Variants in COL23A1 observed in about 807,000 individuals in gnomAD.
COL23A1 encodes collagen alpha-1(XXIII) chain.
In COL23A1, 97 loss-of-function variants were observed where a neutral mutation model predicts 99.3. That is an observed-to-expected ratio of 0.98 (90% CI 0.83 to 1.16). The LOEUF is 1.16. Among genes scored for constraint, COL23A1 ranks in the 50% most tolerant of loss-of-function variants. The pLI, the probability that COL23A1 is intolerant of heterozygous loss-of-function variation, is 0.00. For synonymous variants in COL23A1, 320 were observed against 308.2 expected (o/e 1.04, Z -0.40); for missense variants, 762 against 757.4 (o/e 1.01, Z -0.07).
At chr5:178,576,092 G>A (rs374772338) in intron 1 of COL23A1, among the ~76,000 whole-genome samples, 7 of 152,154 alleles carry the variant, frequency 4.6e-5, no homozygotes, top group African/African-American at 9.7e-5. Flanking sequence ...TTCTCCTTGC[G>A]CAGCAAGTCG....
rs75925268 is a variant in COL23A1, at chr5:178,365,864, T to G, written c.362-58945A>C. The stretch of plus-strand genomic sequence containing the variant: ...ATGGTCTCCTGGCCACATGGGGAGC[T>G]CCTCGAGGGCAAGGCCTGGGAACAT... On this transcript the variant is annotated intron_variant, in intron 2 of 28. Coordinates refer to ENST00000390654, the MANE Select transcript of COL23A1 (RefSeq NM_173465.4). The surrounding 1 kb of genome is among the most constrained non-coding windows in gnomAD (Gnocchi z 5.2). 6.6e-6 allele frequency among the ~76,000 whole-genome samples: 1 copy of G among 151,834 alleles called. No homozygotes were observed. The highest frequency in any genetic ancestry group is 2.4e-5 in the African/African-American group (1 of 41,304).
At chr5:178,409,053 A>T (rs1764931331) in intron 2 of COL23A1, among the ~76,000 whole-genome samples, 1 of 150,450 alleles carries the variant, frequency 6.6e-6, no homozygotes. Flanking sequence ...ACTCCTAGGT[A>T]TTTATCTCAG....
chr5:178,526,977 C>T (rs1760344888), intron 2 of COL23A1, among the ~76,000 whole-genome samples: 1 of 152,242 alleles, frequency 6.6e-6, no homozygotes, highest in Non-Finnish European at 1.5e-5. Context: ...CCCCAGGGTG[C>T]CGTGGTAGGC....
intron 2 of COL23A1, among the ~76,000 whole-genome samples, chr5:178,368,140 T>A (rs1762591429): frequency 6.6e-6 from 1 of 152,200 alleles, no homozygotes; most frequent in Non-Finnish European, 1.5e-5. Context: ...GAGCTCAGTC[T>A]GTCTGGATCA....
intron 2 of COL23A1, among the ~76,000 whole-genome samples, chr5:178,426,354 C>G (rs1175369970): frequency 6.6e-6 from 1 of 152,190 alleles, no homozygotes; most frequent in Non-Finnish European, 1.5e-5. Context: ...TCCCCTTCCT[C>G]ATTAGATGAC....
chr5:178,397,340 G>T (rs1410468708), intron 2 of COL23A1, among the ~76,000 whole-genome samples: 1 of 152,256 alleles, frequency 6.6e-6, no homozygotes, highest in South Asian at 2.1e-4. Context: ...CAGGCCTCTC[G>T]CAGGAGTGAG....
intron 2 of COL23A1, among the ~76,000 whole-genome samples, chr5:178,369,754 G>A (rs982774761): frequency 4.0e-5 from 6 of 150,562 alleles, no homozygotes; most frequent in Non-Finnish European, 1.5e-5. Context: ...GGCCCCCCCA[G>A]CCAGGTGGAA....
chr5:178,571,076 G>A (rs1222752411), intron 1 of COL23A1, among the ~76,000 whole-genome samples: 1 of 151,986 alleles, frequency 6.6e-6, no homozygotes, highest in Non-Finnish European at 1.5e-5. Flanking sequence ...AAGTACTGAG[G>A]AGAGGCATGG....
At chr5:178,318,542 A>C in intron 2 of COL23A1, among the ~76,000 whole-genome samples, 1 of 152,200 alleles carries the variant, frequency 6.6e-6, no homozygotes, top group East Asian at 1.9e-4. Context: ...AACATCTCTG[A>C]AGGGCCGAAG....
At chr5:178,532,045 A>G (rs886400728) in intron 2 of COL23A1, among the ~76,000 whole-genome samples, 10 of 152,208 alleles carry the variant, frequency 6.6e-5, no homozygotes, top group African/African-American at 2.2e-4. Flanking sequence ...GCCACATCCC[A>G]TGAGTGCAGG....
In COL23A1 at chr5:178,384,018, GC is replaced by G. The variant is rs1260305572; in HGVS notation, c.362-77100del. On this transcript the variant is annotated intron_variant, in intron 2 of 28. Transcript: ENST00000390654. This position sits in a 1 kb window ranked among gnomAD's most constrained non-coding sequence, Gnocchi z 5.5. ...CGAGGCCACGCTGTGTGACACGGGG[GC>G]CCAGGACTCCACCAGGCGGCCTGTG... Among the ~76,000 whole-genome samples, 1 of 152,206 alleles carries G rather than the reference GC, an allele frequency of 6.6e-6. No individual in the cohort carries two copies. The highest frequency in any genetic ancestry group is 1.5e-5 in the Non-Finnish European group (1 of 68,032).
chr5:178,248,350 C>T (rs1764828427), intron 19 of COL23A1, 96 bp from the exon 20 acceptor site: 1 of 907,424 alleles, frequency 1.1e-6, no homozygotes, highest in African/African-American at 1.7e-5. Flanking sequence ...CCATGTGGCT[C>T]CTGAGAGCAG....
At chr5:178,292,018 T>A (rs1757485065) in intron 3 of COL23A1, among the ~76,000 whole-genome samples, 1 of 152,156 alleles carries the variant, frequency 6.6e-6, no homozygotes. Flanking sequence ...AAACAAAAGC[T>A]GCCGGATAGG....
At chr5:178,407,762 T>A (rs184085359) in intron 2 of COL23A1, among the ~76,000 whole-genome samples, 5 of 150,712 alleles carry the variant, frequency 3.3e-5, no homozygotes, top group Admixed American at 2.6e-4. Context: ...GCAGAACCAA[T>A]AGAAATTATC....
In COL23A1 at chr5:178,566,286, T is replaced by C. The variant is rs73804268; in HGVS notation, c.295-5538A>G. 8.9e-3 allele frequency among the ~76,000 whole-genome samples: 1,358 copies of C among 152,238 alleles called. 22 individuals carry two copies. The highest frequency in any genetic ancestry group is 0.031 in the African/African-American group (1,298 of 41,552). On this transcript the variant is annotated intron_variant, in intron 1 of 28. Coordinates refer to ENST00000390654, the MANE Select transcript of COL23A1 (RefSeq NM_173465.4). The stretch of plus-strand genomic sequence containing the variant: ...GATTAAGGGTGACAGAACTGTTCTG[T>C]GTGGTCCTGGGATGATGGACCCATG...
Position 178,307,043 on chromosome 5 carries a change from G to A in COL23A1, c.362-124C>T. 1.6e-6 allele frequency: 1 copy of A among 610,592 alleles called. No homozygotes were observed. Among genetic ancestry groups the A allele is most frequent in the Non-Finnish European group, 2.7e-6 (1 of 373,462 alleles). 37.8% of individuals were successfully genotyped at this position (610,592 alleles called of 1,614,324 possible). On this transcript the variant is annotated intron_variant, in intron 2 of 28. Transcript: ENST00000390654. The surrounding 1 kb of genome is among the most constrained non-coding windows in gnomAD (Gnocchi z 4.2). ...CTTTCTGGGAGTGGCCTGCCCGAGG[G>A]GGTCTGCTGGCTGTGGAGGGGGAGA...
chr5:178,364,521 G>A (rs1762358326), intron 2 of COL23A1, among the ~76,000 whole-genome samples: 1 of 151,986 alleles, frequency 6.6e-6, no homozygotes, highest in Non-Finnish European at 1.5e-5. Flanking sequence ...TCATCTGGTG[G>A]AGTTGAGGCC....
At chr5:178,555,772 G>A (rs1203766836) in intron 2 of COL23A1, among the ~76,000 whole-genome samples, 6 of 152,234 alleles carry the variant, frequency 3.9e-5, no homozygotes, top group South Asian at 2.1e-4. Flanking sequence ...CCAAGGTGCC[G>A]GCCCTCACCA....
intron 2 of COL23A1, among the ~76,000 whole-genome samples, chr5:178,541,114 A>G (rs1761260885): frequency 6.6e-6 from 1 of 152,238 alleles, no homozygotes; most frequent in Non-Finnish European, 1.5e-5. Flanking sequence ...TTTGGGAATT[A>G]AAATAACAGT....
Sources: gnomAD v4.1 joint callset for allele counts (sites outside exome capture counted in the v4.1 genomes callset) on GRCh38, gnomAD v4.1.1 for gene constraint, Gnocchi (gnomAD v3.1) non-coding constraint, MANE v1.5 for transcripts, NCBI Gene and HGNC (gene_info 2026-07-23, HGNC 2026-07-21) for gene names.